The following MRAP2 variants were observed in gnomAD, a reference collection of about 807,000 sequenced individuals.
MRAP2 encodes the protein melanocortin 2 receptor accessory protein 2.
A neutral mutation model predicts 17.4 loss-of-function variants in MRAP2; 20 were observed. The ratio of observed to expected loss-of-function variants is 1.15; its 90% confidence interval spans 0.81 to 1.67. The LOEUF is 1.67. Among genes scored for constraint, MRAP2 ranks in the 40% most tolerant of loss-of-function variants. The pLI, the probability that MRAP2 is intolerant of heterozygous loss-of-function variation, is 0.00. For missense variants in MRAP2, 238 were observed against 240.0 expected (o/e 0.99, Z 0.05); for synonymous variants, 96 against 88.4 (o/e 1.09, Z -0.48).
chr6:84,124,991 C>T, the MRAP2 span: 6 of 1,056,064 alleles, frequency 5.7e-6, no homozygotes, highest in South Asian at 5.9e-5. Flanking sequence ...ACTTGTTTTT[C>T]ATAAGCTGTC....
chr6:84,076,604 C>A (rs1319751696), intron 3 of MRAP2, among the ~76,000 whole-genome samples: 1 of 152,174 alleles, frequency 6.6e-6, no homozygotes, highest in Non-Finnish European at 1.5e-5. Context: ...AAGTGATCCA[C>A]CTGCCTCGGC....
At chr6:84,059,594 T>C (rs2099492573) in intron 2 of MRAP2, among the ~76,000 whole-genome samples, 1 of 152,188 alleles carries the variant, frequency 6.6e-6, no homozygotes, top group Non-Finnish European at 1.5e-5. Context: ...CATGTCAACT[T>C]TCAGCTCTCT....
At chr6:84,056,976 T>G (rs894332116) in intron 2 of MRAP2, among the ~76,000 whole-genome samples, 1 of 152,208 alleles carries the variant, frequency 6.6e-6, no homozygotes, top group Admixed American at 6.5e-5. Context: ...TTACTTTACC[T>G]ACTATACCAT....
At chr6:84,058,537 CA>C (rs959920104) in intron 2 of MRAP2, among the ~76,000 whole-genome samples, 1 of 151,748 alleles carries the variant, frequency 6.6e-6, no homozygotes, top group Non-Finnish European at 1.5e-5. Context: ...ATCACATATC[CA>C]GGAGGACAAG....
chr6:84,084,863 ATTTTATTTTAT>A (rs1040534924), intron 3 of MRAP2, among the ~76,000 whole-genome samples: 1 of 90,254 alleles, frequency 1.1e-5, no homozygotes, highest in African/African-American at 5.1e-5. Context: ...TCATTTCTTT[ATTTTATTTTAT>A]TTTATTTTAT....
chr6:84,058,069 G>A (rs1335419658), intron 2 of MRAP2, among the ~76,000 whole-genome samples: 1 of 152,150 alleles, frequency 6.6e-6, no homozygotes, highest in South Asian at 2.1e-4. Flanking sequence ...AAGGACATGG[G>A]GGGGCCTTAG....
the MRAP2 span, among the ~76,000 whole-genome samples, chr6:84,136,200 T>C: frequency 5.3e-5 from 8 of 152,338 alleles, no homozygotes; most frequent in African/African-American, 1.9e-4. Flanking sequence ...GTTATAGCTG[T>C]CCAGTTTTTC....
chr6:84,067,913 C>G (rs1301554796), intron 3 of MRAP2, among the ~76,000 whole-genome samples: 1 of 152,026 alleles, frequency 6.6e-6, no homozygotes, highest in Non-Finnish European at 1.5e-5. Flanking sequence ...AACTATTTAT[C>G]TTTGTCTTTA....
intron 1 of MRAP2, among the ~76,000 whole-genome samples, chr6:84,041,077 G>C (rs543195701): frequency 3.3e-5 from 5 of 152,176 alleles, no homozygotes; most frequent in Non-Finnish European, 7.4e-5. Flanking sequence ...CCCCTGCTGC[G>C]TGCAGTCTAG....
chr6:84,058,472 G>A (rs2099492246), intron 2 of MRAP2, among the ~76,000 whole-genome samples: 2 of 152,148 alleles, frequency 1.3e-5, no homozygotes, highest in Admixed American at 1.3e-4. Flanking sequence ...GGAGAAGGAG[G>A]TTTCAGAGAG....
chr6:84,051,144 A>C (rs1373263712), intron 1 of MRAP2, among the ~76,000 whole-genome samples: 1 of 152,260 alleles, frequency 6.6e-6, no homozygotes, highest in African/African-American at 2.4e-5. Context: ...CATGCATACC[A>C]TCGTAATCCA....
At chr6:84,119,286 A>G in the MRAP2 span, among the ~76,000 whole-genome samples, 2 of 152,170 alleles carry the variant, frequency 1.3e-5, no homozygotes, top group African/African-American at 4.8e-5. Context: ...GGATACTTCA[A>G]TATTTTTCCA....
At chr6:84,125,013 AC>A in the MRAP2 span, 1 of 1,303,820 alleles carries the variant, frequency 7.7e-7, no homozygotes, top group Non-Finnish European at 1.1e-6. Context: ...TGACAGTGGC[AC>A]AATCCCATCC....
intron 3 of MRAP2, chr6:84,063,257 T>G: frequency 2.0e-6 from 2 of 985,404 alleles, no homozygotes; most frequent in Non-Finnish European, 2.4e-6. Flanking sequence ...GATGTGGGCC[T>G]GATTTTTACA....
chr6:84,122,461 A>G, the MRAP2 span, among the ~76,000 whole-genome samples: 1 of 152,122 alleles, frequency 6.6e-6, no homozygotes, highest in African/African-American at 2.4e-5. Context: ...TTCACCACAT[A>G]AACAATAGAA....
chr6:84,088,099 T>C (rs1413748675), intron 3 of MRAP2, among the ~76,000 whole-genome samples: 1 of 152,328 alleles, frequency 6.6e-6, no homozygotes, highest in South Asian at 2.1e-4. Flanking sequence ...ATTTAAGAAC[T>C]GGAAACACTG....
intron 3 of MRAP2, among the ~76,000 whole-genome samples, chr6:84,077,672 G>A (rs1441024293): frequency 6.6e-6 from 1 of 152,128 alleles, no homozygotes; most frequent in Non-Finnish European, 1.5e-5. Flanking sequence ...TATTGTGAAT[G>A]GAGTTACCTT....
the MRAP2 span, among the ~76,000 whole-genome samples, chr6:84,104,449 G>A: frequency 6.6e-6 from 1 of 152,208 alleles, no homozygotes; most frequent in African/African-American, 2.4e-5. Flanking sequence ...CTCAGAAAAT[G>A]GGATTTTCTT....
chr6:84,079,780 C>T (rs1022308771), intron 3 of MRAP2, among the ~76,000 whole-genome samples: 4 of 152,156 alleles, frequency 2.6e-5, no homozygotes, highest in African/African-American at 9.7e-5. Flanking sequence ...AGGAGGATTA[C>T]ACAATTATTT....
Sources: gnomAD v4.1 joint callset for allele counts (sites outside exome capture counted in the v4.1 genomes callset) on GRCh38, gnomAD v4.1.1 for gene constraint, MANE v1.5 for transcripts, NCBI Gene and HGNC (gene_info 2026-07-23, HGNC 2026-07-21) for gene names.